Variants in VEPH1 observed in about 807,000 individuals in gnomAD.
VEPH1 encodes the protein ventricular zone-expressed PH domain-containing protein homolog 1.
VEPH1 carries 80 observed loss-of-function variants against 85.2 expected under a neutral mutation model. The ratio of observed to expected loss-of-function variants is 0.94; its 90% CI spans 0.78 to 1.13. The LOEUF (loss-of-function observed/expected upper bound fraction) is 1.13. Among genes scored for constraint, VEPH1 ranks in the 50% most tolerant of loss-of-function variants. The pLI is 0.00. For synonymous variants in VEPH1, 297 were observed against 348.0 expected, an observed-to-expected ratio of 0.85 and a Z score of 1.63; for missense variants, 955 against 980.5, an observed-to-expected ratio of 0.97 and a Z score of 0.35.
intron 3 of VEPH1, among the ~76,000 whole-genome samples, chr3:157,463,583 A>G (rs1479086751): frequency 6.6e-6 from 1 of 152,136 alleles, no homozygotes; most frequent in Non-Finnish European, 1.5e-5. Context: ...GACCTCTCTG[A>G]GAGGCTGGCT....
Position 157,286,401 on chromosome 3 carries a change from A to G in VEPH1, c.2128+156T>C, listed in dbSNP as rs1425081281. 8 of 676,058 alleles carry G rather than the reference A, an allele frequency of 1.2e-5. No individual in the cohort carries two copies. In the Admixed American group the frequency reaches 1.6e-4, roughly 14 times the overall value. 41.9% of individuals were successfully genotyped at this position (676,058 alleles called of 1,614,324 possible). Reference sequence around the variant, plus strand: ...CCTTTTTCCTACGACCACTTTGGTGAGACGCCTTTCTCAGCACAAAGCAGG... The same window carrying G: ...CCTTTTTCCTACGACCACTTTGGTGGGACGCCTTTCTCAGCACAAAGCAGG... On this transcript the variant is annotated intron_variant, in intron 12 of 13. Coordinates refer to ENST00000362010, the MANE Select transcript of VEPH1 (RefSeq NM_001167912.2).
intron 12 of VEPH1, 130 bp downstream of exon 12, chr3:157,286,427 G>A (rs1011720212): frequency 1.7e-5 from 13 of 766,638 alleles, no homozygotes; most frequent in Admixed American, 1.0e-4. Context: ...ACAAAGCAGG[G>A]ACATGACTCT....
chr3:157,463,255 A>G (rs1414500777), intron 3 of VEPH1, among the ~76,000 whole-genome samples: 1 of 152,212 alleles, frequency 6.6e-6, no homozygotes, highest in Non-Finnish European at 1.5e-5. Context: ...TTCCAGACTC[A>G]GGGGTCAATC....
intron 4 of VEPH1, among the ~76,000 whole-genome samples, chr3:157,430,642 G>T (rs1320497567): frequency 1.3e-5 from 2 of 152,186 alleles, no homozygotes; most frequent in Middle Eastern, 3.2e-3. Context: ...GATTCAACAG[G>T]TTGGAGGTAG....
At chr3:157,356,877 A>AT (rs1320831022) in intron 9 of VEPH1, among the ~76,000 whole-genome samples, 1 of 152,190 alleles carries the variant, frequency 6.6e-6, no homozygotes, top group Non-Finnish European at 1.5e-5. Context: ...GCTCAGGACC[A>AT]TTTTATACTG....
At chr3:157,274,353 A>G (rs1577209516) in intron 12 of VEPH1, among the ~76,000 whole-genome samples, 2 of 152,338 alleles carry the variant, frequency 1.3e-5, no homozygotes, top group East Asian at 3.9e-4. Flanking sequence ...CTAATGGCCT[A>G]TATCAAAGTG....
At chr3:157,327,890 A>G (rs1722094522) in intron 9 of VEPH1, among the ~76,000 whole-genome samples, 1 of 152,164 alleles carries the variant, frequency 6.6e-6, no homozygotes. Flanking sequence ...GAGAGAGGGA[A>G]CAAAGAGCCC....
In VEPH1 at chr3:157,487,918, T is replaced by C. The variant is rs555897081; in HGVS notation, c.138+7294A>G. Among the ~76,000 whole-genome samples, 110 of 152,214 alleles carry C rather than the reference T, an allele frequency of 7.2e-4. 2 individuals are homozygous for C. The South Asian group carries it at 0.022, about 30-fold the overall frequency. On this transcript the variant is annotated intron_variant, in intron 2 of 13. Transcript: ENST00000362010. ...TGATAAAGAGCATTAACCAAAAGCCTGGAGCAAACATTATGCTTACACTGA... is the reference window on the plus strand; with the variant it reads ...TGATAAAGAGCATTAACCAAAAGCCCGGAGCAAACATTATGCTTACACTGA...
intron 2 of VEPH1, among the ~76,000 whole-genome samples, chr3:157,488,642 G>A (rs1309623994): frequency 6.6e-6 from 1 of 150,836 alleles, no homozygotes; most frequent in African/African-American, 2.4e-5. Flanking sequence ...TGGTGATCTC[G>A]CTCAGTCTCA....
chr3:157,459,825 A>C, intron 4 of VEPH1: 1 of 1,499,348 alleles, frequency 6.7e-7, no homozygotes, highest in Non-Finnish European at 8.9e-7. Context: ...CAGGTTTTTC[A>C]TACCCCACTG....
intron 2 of VEPH1, among the ~76,000 whole-genome samples, chr3:157,486,315 G>A (rs376655791): frequency 1.3e-5 from 2 of 152,010 alleles, no homozygotes; most frequent in Admixed American, 6.6e-5. Context: ...GACCAACATG[G>A]TGAAACCCCG....
intron 1 of VEPH1, among the ~76,000 whole-genome samples, chr3:157,497,321 C>G (rs4679800): frequency 0.66 from 101,034 of 151,990 alleles, 34,386 homozygotes; most frequent in African/African-American, 0.81. Context: ...GAGAGCAAGA[C>G]AGTCACAGGA....
intron 2 of VEPH1, among the ~76,000 whole-genome samples, chr3:157,477,358 T>A (rs1234019591): frequency 1.3e-5 from 2 of 152,198 alleles, no homozygotes; most frequent in Admixed American, 1.3e-4. Context: ...CCCTTGATTA[T>A]ATTGGGCCCA....
At position 157,318,930 on chromosome 3, in the gene VEPH1, C is replaced by T. The variant is rs144667275; in HGVS notation, c.1736-1729G>A. Reference sequence around the variant, plus strand: ...AAGCTGATAAGGATCCTAGTACGGGCGACAGAGTCAGTCCCCACCTAAGAC... The same window carrying T: ...AAGCTGATAAGGATCCTAGTACGGGTGACAGAGTCAGTCCCCACCTAAGAC... On this transcript the variant is annotated intron_variant, in intron 9 of 13. Transcript: ENST00000362010. 2.8e-3 allele frequency among the ~76,000 whole-genome samples: 426 copies of T among 152,064 alleles called. 5 individuals are homozygous for T. The East Asian group carries it at 0.043, about 15-fold the overall frequency.
intron 12 of VEPH1, among the ~76,000 whole-genome samples, chr3:157,268,252 T>TAAC (rs1714021139): frequency 6.6e-6 from 1 of 152,118 alleles, no homozygotes; most frequent in African/African-American, 2.4e-5. Flanking sequence ...TATGCGTTCC[T>TAAC]TGAGATCAGG....
At chr3:157,315,718 T>C (rs1483031605) in intron 10 of VEPH1, 2 of 151,994 alleles carry the variant, frequency 1.3e-5, no homozygotes, top group Admixed American at 6.5e-5. Flanking sequence ...TTTGGTGATT[T>C]TGCTTAAAGA....
At chr3:157,369,179 T>TAAAAAAAAAAAAAA (rs1560000948) in intron 7 of VEPH1, among the ~76,000 whole-genome samples, 2 of 15,064 alleles carry the variant, frequency 1.3e-4, no homozygotes, top group African/African-American at 2.6e-4. Context: ...AAAAACCAAA[T>TAAAAAAAAAAAAAA]GAAAAAAAAA....
intron 11 of VEPH1, among the ~76,000 whole-genome samples, chr3:157,287,069 AT>A (rs779216506): frequency 4.6e-5 from 7 of 152,164 alleles, no homozygotes; most frequent in Non-Finnish European, 8.8e-5. Flanking sequence ...AGAACCAATT[AT>A]CCATATCAAA....
At chr3:157,483,068 G>T (rs1203193416) in intron 2 of VEPH1, among the ~76,000 whole-genome samples, 2 of 150,216 alleles carry the variant, frequency 1.3e-5, no homozygotes, top group African/African-American at 4.9e-5. Flanking sequence ...TTCTACATTG[G>T]CATCCATACT....
Sources: gnomAD v4.1 joint callset for allele counts (sites outside exome capture counted in the v4.1 genomes callset) on GRCh38, gnomAD v4.1.1 for gene constraint, MANE v1.5 for transcripts, NCBI Gene and HGNC (gene_info 2026-07-23, HGNC 2026-07-21) for gene names.